SLC17A1: variants seen among roughly 807,000 people sequenced by gnomAD.
SLC17A1 encodes solute carrier family 17 member 1.
A neutral mutation model predicts 53.5 loss-of-function variants in SLC17A1; 51 were observed. The ratio of observed to expected loss-of-function variants is 0.95; its 90% CI spans 0.76 to 1.20. The LOEUF is 1.20. SLC17A1 is among the 50% of genes most tolerant of loss of function. The pLI, the probability that SLC17A1 is intolerant of heterozygous loss-of-function variation, is 0.00. For missense variants in SLC17A1, 538 were observed against 568.2 expected (o/e 0.95, Z 0.54); for synonymous variants, 179 against 198.8 (o/e 0.90, Z 0.84).
the SLC17A1 span, among the ~76,000 whole-genome samples, chr6:25,730,567 C>T: frequency 6.6e-6 from 1 of 152,160 alleles, no homozygotes; most frequent in East Asian, 1.9e-4. Context: ...CTGAAGAGCT[C>T]TATTGTACAA....
At chr6:25,776,484 G>T in the SLC17A1 span, 1 of 1,277,054 alleles carries the variant, frequency 7.8e-7, no homozygotes, top group Non-Finnish European at 1.1e-6. Context: ...TGTATTAAAA[G>T]TGATGCGTAT....
chr6:25,770,372 T>G, the SLC17A1 span: 11 of 1,613,910 alleles, frequency 6.8e-6, no homozygotes, highest in Admixed American at 3.3e-5. Flanking sequence ...AGAATGGAAT[T>G]TTTCCCCCCA....
the SLC17A1 span, chr6:25,777,218 T>C: frequency 2.3e-6 from 1 of 429,374 alleles, no homozygotes; most frequent in Non-Finnish European, 4.1e-6. Flanking sequence ...CACACAAACC[T>C]CTCTCTGTTG....
intron 12 of SLC17A1, among the ~76,000 whole-genome samples, chr6:25,784,966 TA>T (rs1763349217): frequency 6.6e-6 from 1 of 152,050 alleles, no homozygotes; most frequent in Non-Finnish European, 1.5e-5. Context: ...AAAACAGAAG[TA>T]AAACTATATC....
intron 12 of SLC17A1, among the ~76,000 whole-genome samples, chr6:25,785,236 A>T (rs1009309557): frequency 1.3e-5 from 2 of 152,144 alleles, no homozygotes; most frequent in Non-Finnish European, 2.9e-5. Flanking sequence ...AAAATATTGT[A>T]GAAAGAAATT....
At chr6:25,804,926 C>A (rs1342933069) in intron 10 of SLC17A1, among the ~76,000 whole-genome samples, 1 of 152,028 alleles carries the variant, frequency 6.6e-6, no homozygotes, top group African/African-American at 2.4e-5. Flanking sequence ...GACAGCAACA[C>A]AATAACAGTG....
intron 3 of SLC17A1, among the ~76,000 whole-genome samples, chr6:25,824,492 A>C (rs1764671814): frequency 6.6e-6 from 1 of 151,856 alleles, no homozygotes. Flanking sequence ...TTGTTGAAGG[A>C]ATGTTTTGAG....
intron 1 of SLC17A1, among the ~76,000 whole-genome samples, chr6:25,831,183 C>T (rs2151512663): frequency 6.6e-6 from 1 of 152,270 alleles, no homozygotes; most frequent in South Asian, 2.1e-4. Flanking sequence ...AGAGCAGCCA[C>T]TGATGCAAAG....
At chr6:25,779,124 A>T, downstream of SLC17A1, 9 of 1,613,910 alleles carry the variant, frequency 5.6e-6, no homozygotes, top group Non-Finnish European at 7.6e-6. Flanking sequence ...CTGGTTTTCT[A>T]CCTCATCTTT....
chr6:25,738,428 T>A, the SLC17A1 span, among the ~76,000 whole-genome samples: 9 of 152,048 alleles, frequency 5.9e-5, no homozygotes, highest in African/African-American at 2.2e-4. Flanking sequence ...TATATTTAAA[T>A]ATGAAAAATG....
chr6:25,726,117 A>C, the SLC17A1 span: 1 of 1,507,216 alleles, frequency 6.6e-7, no homozygotes, highest in East Asian at 2.3e-5. Flanking sequence ...TCTTTTTACC[A>C]ATGACAACCT....
At chr6:25,777,942 A>G (rs756235575), downstream of SLC17A1, 1 of 1,612,362 alleles carries the variant, frequency 6.2e-7, no homozygotes, top group South Asian at 1.1e-5. Flanking sequence ...TGGCTTTCTC[A>G]AAGGACTATT....
the SLC17A1 span, among the ~76,000 whole-genome samples, chr6:25,724,199 G>A: frequency 2.0e-5 from 3 of 152,136 alleles, no homozygotes; most frequent in African/African-American, 7.2e-5. Context: ...TGAGGCTGGC[G>A]GATCACCTGA....
the SLC17A1 span, among the ~76,000 whole-genome samples, chr6:25,748,574 A>G: frequency 1.3e-5 from 2 of 152,210 alleles, no homozygotes; most frequent in Non-Finnish European, 1.5e-5. Context: ...CAGACAAAGT[A>G]TAGAGAAAGA....
At chr6:25,779,564 C>T (rs775457790), downstream of SLC17A1, 31 of 176,562 alleles carry the variant, frequency 1.8e-4, no homozygotes, top group Non-Finnish European at 2.1e-4. Context: ...GAGCTGTCCT[C>T]AAAAGAAAGC....
At chr6:25,786,672 C>A (rs1207106408) in intron 12 of SLC17A1, among the ~76,000 whole-genome samples, 1 of 152,142 alleles carries the variant, frequency 6.6e-6, no homozygotes, top group African/African-American at 2.4e-5. Flanking sequence ...CTGCTTTCAA[C>A]ACCTACTGGC....
In SLC17A1 at chr6:25,830,625, G is replaced by T. The variant is rs368404249; in HGVS notation, c.-50-18C>A. ...TCCACCCACTGTGAGTGCAAAACAC[G>T]TTGATGTCAGCATAATGTAGAGAGG... On this transcript the variant is annotated intron_variant, in intron 1 of 12. Transcript: ENST00000244527. The T allele has an allele frequency of 6.3e-7, 1 of 1,575,446 alleles. No homozygotes were observed. The highest frequency in any genetic ancestry group is 8.7e-7 in the Non-Finnish European group (1 of 1,146,000).
At chr6:25,786,735 A>G (rs939964267) in intron 12 of SLC17A1, among the ~76,000 whole-genome samples, 3 of 152,254 alleles carry the variant, frequency 2.0e-5, no homozygotes, top group African/African-American at 7.2e-5. Flanking sequence ...AGAAATTTCC[A>G]TGCCTGCTTC....
chr6:25,753,222 T>C, the SLC17A1 span, among the ~76,000 whole-genome samples: 3,360 of 152,242 alleles, frequency 0.022, 55 homozygotes, highest in African/African-American at 0.047. Context: ...CAGGAGGAAC[T>C]GCAAGTGTAA....
Sources: gnomAD v4.1 joint callset for allele counts (sites outside exome capture counted in the v4.1 genomes callset) on GRCh38, gnomAD v4.1.1 for gene constraint, MANE v1.5 for transcripts, NCBI Gene and HGNC (gene_info 2026-07-23, HGNC 2026-07-21) for gene names.